DCAF13: variants seen among roughly 807,000 people sequenced by gnomAD.
DCAF13 encodes the protein DDB1- and CUL4-associated factor 13.
In DCAF13, 38 loss-of-function variants were observed where a neutral mutation model predicts 59.0. The observed-to-expected ratio is 0.64, with a 90% CI of 0.50 to 0.84. The LOEUF is 0.84. Among genes scored for constraint, DCAF13 ranks in the 40% least tolerant of loss-of-function variants. The pLI, the probability that DCAF13 is intolerant of heterozygous loss-of-function variation, is 0.00. For synonymous variants in DCAF13, 173 were observed against 175.0 expected (o/e 0.99, Z 0.09); for missense variants, 469 against 558.4 (o/e 0.84, Z 1.61).
chr8:103,441,483 A>T lies in DCAF13; in HGVS notation c.1115A>T (p.Asp372Val), dbSNP rs1817009507. The part of the protein sequence containing the change: ...VLTSREKAAK[D>V]YNQKLKEKFQ... ...ACATCACGAGAAAAAGCAGCCAAGG[A>T]TTATAACCAGAAATTGAAGGAGAAA... The change falls in exon 10 of 11, where the codon GAT becomes GTT. Residue 372 changes from aspartate to valine, a missense_variant. Asp to Val is a radical substitution (Grantham distance 152). This residue lies in a region of DCAF13 where 30 missense variants were observed against 67.1 expected (regional missense o/e 0.45). Coordinates refer to ENST00000612750, the MANE Select transcript of DCAF13 (RefSeq NM_015420.7). 3 of 1,597,628 alleles carry T rather than the reference A, an allele frequency of 1.9e-6. No individual in the cohort carries two copies. The highest frequency in any genetic ancestry group is 2.7e-5 in the African/African-American group (2 of 73,570).
At position 103,424,581 on chromosome 8, in the gene DCAF13, T is replaced by A. The variant is rs1037758209; in HGVS notation, c.379-1475T>A. 3.3e-5 allele frequency among the ~76,000 whole-genome samples: 5 copies of A among 152,328 alleles called. No individual in the cohort carries two copies. The East Asian group carries it at 9.6e-4, about 29-fold the overall frequency. On this transcript the variant is annotated intron_variant, in intron 3 of 10. Coordinates refer to ENST00000612750, the MANE Select transcript of DCAF13 (RefSeq NM_015420.7). ...TGTTCGGCTACTCATTTCTATAAAA[T>A]GAGAAAACCCTTCCCAGAATTGGTG...
At chr8:103,426,297 A>G in intron 4 of DCAF13, 152 bp downstream of exon 4, 1 of 498,262 alleles carries the variant, frequency 2.0e-6, no homozygotes, top group Non-Finnish European at 3.6e-6. Flanking sequence ...GCAATATTTA[A>G]TGCAGCTAAA....
At chr8:103,424,044 A>G (rs1385580745) in intron 3 of DCAF13, among the ~76,000 whole-genome samples, 2 of 151,634 alleles carry the variant, frequency 1.3e-5, no homozygotes, top group Non-Finnish European at 2.9e-5. Flanking sequence ...TTTGAGATGA[A>G]GTCTCCCTCT....
Position 103,425,167 on chromosome 8 carries a change from A to G in DCAF13, c.379-889A>G, listed in dbSNP as rs74307462. 4.3e-3 allele frequency among the ~76,000 whole-genome samples: 656 copies of G among 152,362 alleles called. 10 individuals are homozygous for G. Among genetic ancestry groups the G allele is most frequent in the East Asian group, 0.036 (188 of 5,194 alleles). ...TTAATGATTTTATCAAAAAGTGGAT[A>G]TAGATTGCATCTAATATATAAATGT... On this transcript the variant is annotated intron_variant, in intron 3 of 10. Transcript: ENST00000612750.
intron 10 of DCAF13, chr8:103,442,570 T>C (rs1472071973): frequency 6.1e-6 from 2 of 330,092 alleles, no homozygotes; most frequent in East Asian, 9.9e-5. Flanking sequence ...CTGTGGAAGG[T>C]TTTTAAACTT....
At chr8:103,436,959 T>C (rs917941215) in intron 8 of DCAF13, among the ~76,000 whole-genome samples, 5 of 152,204 alleles carry the variant, frequency 3.3e-5, no homozygotes, top group African/African-American at 7.2e-5. Context: ...GGAAGCCATA[T>C]GGATTTCTAC....
chr8:103,431,683 A>G (rs1816867376), intron 6 of DCAF13, among the ~76,000 whole-genome samples: 1 of 152,206 alleles, frequency 6.6e-6, no homozygotes, highest in Non-Finnish European at 1.5e-5. Flanking sequence ...CACTTCGCTG[A>G]GAATAAAACA....
chr8:103,439,383 C>CTTTTTTTTTTTT (rs34676422), intron 8 of DCAF13: 2 of 85,792 alleles, frequency 2.3e-5, no homozygotes, highest in African/African-American at 4.7e-5. Flanking sequence ...TTTAATTAAG[C>CTTTTTTTTTTTT]TTTTTTTTTT....
At chr8:103,430,066 AT>A (rs1278210463) in intron 5 of DCAF13, 1 of 152,206 alleles carries the variant, frequency 6.6e-6, no homozygotes, top group Non-Finnish European at 1.5e-5. Flanking sequence ...TTTATTACAA[AT>A]TAGAACACAG....
chr8:103,430,751 A>G, intron 6 of DCAF13, 62 bp downstream of exon 6: 1 of 1,191,058 alleles, frequency 8.4e-7, no homozygotes, highest in South Asian at 1.4e-5. Flanking sequence ...CTGTAAATAG[A>G]GTGACTAACA....
In DCAF13 at chr8:103,420,516, G is replaced by A. The variant is rs1454372364; in HGVS notation, c.270+53G>A. On this transcript the variant is annotated intron_variant, in intron 2 of 10. Transcript: ENST00000612750. ...AACTAAAAGTAGTTATATTACAAAT[G>A]TTTTCCCTTTAGTTTTTAGTTACTG... 3 of 1,542,490 alleles carry A rather than the reference G, an allele frequency of 1.9e-6. No individual in the cohort carries two copies. In the African/African-American group the frequency reaches 4.1e-5, roughly 21 times the overall value.
chr8:103,422,776 A>G (rs1816738587), intron 3 of DCAF13, among the ~76,000 whole-genome samples: 1 of 152,168 alleles, frequency 6.6e-6, no homozygotes, highest in African/African-American at 2.4e-5. Context: ...GTGACTTTTT[A>G]AAAAACAGGT....
intron 1 of DCAF13, among the ~76,000 whole-genome samples, chr8:103,418,848 ATATATATATATATATATATTTTTTTT>A (rs1816669373): frequency 5.9e-5 from 1 of 16,932 alleles, no homozygotes; most frequent in Non-Finnish European, 1.1e-4. Context: ...ATATATATAT[ATATATATATATATATATATTTTTTTT>A]TTTTTTTTTT....
Position 103,421,262 on chromosome 8 carries a change from A to G in DCAF13, c.378+180A>G, listed in dbSNP as rs906916813. 28 of 681,836 alleles carry G rather than the reference A, an allele frequency of 4.1e-5. No homozygotes were observed. The Admixed American group carries it at 4.2e-4, about 10-fold the overall frequency. The allele number at this position is 681,836 out of a possible 1,614,324, so 42.2% of individuals were successfully genotyped here. A position where few individuals can be genotyped will look rare whatever the true frequency, so the allele number is the denominator to read the frequency against. ...TTCTTTATATAATTCAGCCTTCCCC[A>G]TAACTTAACATGATTAAACTAATAT... On this transcript the variant is annotated intron_variant, in intron 3 of 10. Coordinates refer to ENST00000612750, the MANE Select transcript of DCAF13 (RefSeq NM_015420.7).
chr8:103,416,596 C>A (rs556999835), intron 1 of DCAF13, among the ~76,000 whole-genome samples: 1 of 152,328 alleles, frequency 6.6e-6, no homozygotes, highest in East Asian at 1.9e-4. Context: ...TTCCTGCTTA[C>A]CTCCTGCATG....
chr8:103,426,425 C>T (rs3134261), intron 4 of DCAF13, among the ~76,000 whole-genome samples: 34,262 of 150,740 alleles, frequency 0.23, 3,988 homozygotes, highest in East Asian at 0.34. Context: ...GGGAAGACCA[C>T]GGAGAAAAAG....
intron 7 of DCAF13, among the ~76,000 whole-genome samples, chr8:103,434,539 G>T (rs1816908222): frequency 6.6e-6 from 1 of 151,992 alleles, no homozygotes; most frequent in Admixed American, 6.6e-5. Context: ...TGATCATTTG[G>T]TTAGGGTGGT....
Position 103,433,346 on chromosome 8 carries a change from T to C in DCAF13, c.785+605T>C, listed in dbSNP as rs1202020304. Among the ~76,000 whole-genome samples, 3 of 152,162 alleles carry C rather than the reference T, an allele frequency of 2.0e-5. No individual in the cohort carries two copies. In the South Asian group the frequency reaches 6.2e-4, roughly 31 times the overall value. On this transcript the variant is annotated intron_variant, in intron 7 of 10. Coordinates refer to ENST00000612750, the MANE Select transcript of DCAF13 (RefSeq NM_015420.7). Reference sequence around the variant, plus strand: ...TATAGTTATCTTTTCAGTATCCATATGAGGTAGGTGGGACATGCATGTTAT... The same window carrying C: ...TATAGTTATCTTTTCAGTATCCATACGAGGTAGGTGGGACATGCATGTTAT...
At chr8:103,427,331 G>C in intron 5 of DCAF13, 79 bp downstream of exon 5, 1 of 1,261,570 alleles carries the variant, frequency 7.9e-7, no homozygotes. Flanking sequence ...TTGAATGTAT[G>C]ATAGAAACTT....
Sources: allele counts gnomAD v4.1 joint callset (sites outside exome capture counted in the v4.1 genomes callset), GRCh38; gene constraint gnomAD v4.1.1; regional missense constraint gnomAD v4.1.1; transcripts MANE v1.5; gene names NCBI Gene and HGNC (gene_info 2026-07-23, HGNC 2026-07-21).